Variants in PPP6C observed in about 807,000 individuals in gnomAD.
PPP6C encodes protein phosphatase 6 catalytic subunit.
In PPP6C, 11 loss-of-function variants were observed where a neutral mutation model predicts 39.8. The observed-to-expected ratio is 0.28, with a 90% CI of 0.17 to 0.46. The LOEUF (loss-of-function observed/expected upper bound fraction) is 0.46, where lower values mean the gene tolerates loss of function less well. PPP6C is among the 20% of genes least tolerant of loss of function. The pLI is 1.00. For missense variants in PPP6C, 211 were observed against 373.9 expected (o/e 0.56, Z 3.59); for synonymous variants, 129 against 130.3 (o/e 0.99, Z 0.07).
At chr9:125,155,629 C>T (rs1015743164) in intron 4 of PPP6C, among the ~76,000 whole-genome samples, 2 of 152,122 alleles carry the variant, frequency 1.3e-5, no homozygotes, top group Non-Finnish European at 2.9e-5. Flanking sequence ...TATGGCTGGA[C>T]GCAGTGCCTC....
At chr9:125,181,687 T>C (rs1829424815) in intron 1 of PPP6C, among the ~76,000 whole-genome samples, 1 of 152,256 alleles carries the variant, frequency 6.6e-6, no homozygotes, top group South Asian at 2.1e-4. Context: ...CACATTTTCT[T>C]TAACCAGTCT....
In PPP6C at chr9:125,148,074, G is replaced by C. The variant is rs1835851591; in HGVS notation, c.*1599C>G. 1 of 185,728 alleles carries C rather than the reference G, an allele frequency of 5.4e-6. No homozygotes were observed. 11.5% of individuals were successfully genotyped at this position (185,728 alleles called of 1,614,324 possible). ...TATGTAAGGAGCTGGGTGGTTTGAG[G>C]GAAAAAAATTAAATCAAAACAGTAT... On this transcript the variant is annotated 3_prime_UTR_variant, in exon 7 of 7. Transcript: ENST00000373547.
rs567377960 is a variant in PPP6C, at chr9:125,167,432, C to T, written c.171+3653G>A. On this transcript the variant is annotated intron_variant, in intron 2 of 6. Coordinates refer to ENST00000373547, the MANE Select transcript of PPP6C (RefSeq NM_002721.5). ...AAAAAAGGCCGGGCATGGTGACTCACGCCTGTAATCCCAGCACTTTGGGAG... is the reference window on the plus strand; with the variant it reads ...AAAAAAGGCCGGGCATGGTGACTCATGCCTGTAATCCCAGCACTTTGGGAG... 6.0e-5 allele frequency among the ~76,000 whole-genome samples: 9 copies of T among 149,398 alleles called. No individual in the cohort carries two copies. The South Asian group carries it at 6.4e-4, about 11-fold the overall frequency.
At chr9:125,158,080 G>C (rs990373344) in intron 4 of PPP6C, among the ~76,000 whole-genome samples, 161 bp downstream of exon 4, 2 of 152,146 alleles carry the variant, frequency 1.3e-5, no homozygotes, top group Admixed American at 1.3e-4. Context: ...GTTAACAGTG[G>C]TCTTCTCTCG....
chr9:125,154,536 G>A (rs576087309), intron 4 of PPP6C, among the ~76,000 whole-genome samples: 1 of 152,150 alleles, frequency 6.6e-6, no homozygotes, highest in Admixed American at 6.5e-5. Flanking sequence ...TCCTGGAATG[G>A]ACCTAAGAAG....
At chr9:125,151,749 A>G (rs1189777490) in intron 6 of PPP6C, among the ~76,000 whole-genome samples, 15 of 152,160 alleles carry the variant, frequency 9.9e-5, no homozygotes, top group Middle Eastern at 3.2e-3. Flanking sequence ...ATGAAGAAAG[A>G]AGGATTGAGA....
Position 125,189,783 on chromosome 9 carries a change from G to A in PPP6C, c.-65C>T, listed in dbSNP as rs550930202. Reference sequence around the variant, plus strand: ...CTGTAGCAGCGGCGGCGGCAGCGGCGGAGGCCGAAGCCGGAACTTTCCCTG... The same window carrying A: ...CTGTAGCAGCGGCGGCGGCAGCGGCAGAGGCCGAAGCCGGAACTTTCCCTG... On this transcript the variant is annotated 5_prime_UTR_variant, in exon 1 of 7. Transcript: ENST00000373547. 3.9e-6 allele frequency: 6 copies of A among 1,524,958 alleles called. No individual in the cohort carries two copies. Among genetic ancestry groups the A allele is most frequent in the South Asian group, 2.5e-5 (2 of 81,174 alleles). The allele number at this position is 1,524,958 out of a possible 1,614,324, so 94.5% of individuals were successfully genotyped here.
At chr9:125,182,866 G>A (rs1483213667) in intron 1 of PPP6C, among the ~76,000 whole-genome samples, 2 of 151,416 alleles carry the variant, frequency 1.3e-5, no homozygotes, top group Non-Finnish European at 2.9e-5. Context: ...AGTTGAGAAC[G>A]ACTGGTCTAG....
chr9:125,189,761 TAGCAGCGGCGGC>T lies in PPP6C; in HGVS notation c.-55_-44del, dbSNP rs1829629020. 6.5e-7 allele frequency: 1 copy of T among 1,545,316 alleles called. No homozygotes were observed. The highest frequency in any genetic ancestry group is 8.7e-7 in the Non-Finnish European group (1 of 1,147,156). ...GCGGCAACAGCGGCGGCGGCGGCTG[TAGCAGCGGCGGC>T]GGCAGCGGCGGAGGCCGAAGCCGGA... On this transcript the variant is annotated 5_prime_UTR_variant, in exon 1 of 7. Transcript: ENST00000373547.
chr9:125,154,350 A>G (rs1836019391), intron 4 of PPP6C, among the ~76,000 whole-genome samples: 1 of 152,244 alleles, frequency 6.6e-6, no homozygotes, highest in Non-Finnish European at 1.5e-5. Context: ...TGCAGCATGT[A>G]ACTGTACTAA....
chr9:125,169,472 G>C (rs548910994), intron 2 of PPP6C, among the ~76,000 whole-genome samples: 1 of 152,276 alleles, frequency 6.6e-6, no homozygotes, highest in South Asian at 2.1e-4. Context: ...GTCTACAACT[G>C]GGGGAAACAC....
At chr9:125,176,452 T>C (rs1829299628) in intron 1 of PPP6C, among the ~76,000 whole-genome samples, 1 of 152,104 alleles carries the variant, frequency 6.6e-6, no homozygotes, top group African/African-American at 2.4e-5. Context: ...GCTCAGGAGT[T>C]CGAGACCTGC....
At chr9:125,150,777 A>G in intron 6 of PPP6C, 2 of 724,492 alleles carry the variant, frequency 2.8e-6, no homozygotes, top group Admixed American at 1.8e-5. Context: ...CTGTGTGGAA[A>G]TTGGCAAAAG....
At chr9:125,173,404 C>CAAAA (rs1157793278) in intron 1 of PPP6C, among the ~76,000 whole-genome samples, 17 of 50,754 alleles carry the variant, frequency 3.3e-4, no homozygotes, top group African/African-American at 1.3e-3. Flanking sequence ...GACTCCCTCT[C>CAAAA]AAAAAAAAAA....
At chr9:125,155,250 T>G (rs768851057) in intron 4 of PPP6C, among the ~76,000 whole-genome samples, 1 of 151,824 alleles carries the variant, frequency 6.6e-6, no homozygotes, top group South Asian at 2.1e-4. Context: ...GTTAACACCA[T>G]GGAAGCTCTG....
chr9:125,173,471 G>A (rs1026716138), intron 1 of PPP6C, among the ~76,000 whole-genome samples: 21 of 150,082 alleles, frequency 1.4e-4, no homozygotes, highest in African/African-American at 3.4e-4. Flanking sequence ...CCAGCTACTC[G>A]GGAGGATGAG....
intron 4 of PPP6C, among the ~76,000 whole-genome samples, chr9:125,154,246 C>T (rs932949996): frequency 1.3e-5 from 2 of 152,208 alleles, no homozygotes; most frequent in Non-Finnish European, 2.9e-5. Flanking sequence ...GTTGTGTGAA[C>T]ATCATCGGAT....
rs919829488 is a variant in PPP6C, at chr9:125,151,081, G to T, written c.670-1160C>A. The T allele has an allele frequency of 3.0e-6, 4 of 1,323,574 alleles. No individual in the cohort carries two copies. The African/African-American group carries it at 4.3e-5, about 14-fold the overall frequency. The allele number at this position is 1,323,574 out of a possible 1,614,324, so 82.0% of individuals were successfully genotyped here. A position where few individuals can be genotyped will look rare whatever the true frequency, so the allele number is the denominator to read the frequency against. ...TGATAACCCAGTGGACTATCTGTATGCAGAGCCAGGTGTCCTGAAGTGGAT... is the reference window on the plus strand; with the variant it reads ...TGATAACCCAGTGGACTATCTGTATTCAGAGCCAGGTGTCCTGAAGTGGAT... On this transcript the variant is annotated intron_variant, in intron 6 of 6. Coordinates refer to ENST00000373547, the MANE Select transcript of PPP6C (RefSeq NM_002721.5).
At chr9:125,174,968 G>A (rs972745917) in intron 1 of PPP6C, among the ~76,000 whole-genome samples, 2 of 151,906 alleles carry the variant, frequency 1.3e-5, no homozygotes, top group African/African-American at 4.8e-5. Flanking sequence ...AGCACTTTGG[G>A]AGGCCGAGGC....
Sources: allele counts gnomAD v4.1 joint callset (sites outside exome capture counted in the v4.1 genomes callset), GRCh38; gene constraint gnomAD v4.1.1; transcripts MANE v1.5; gene names NCBI Gene and HGNC (gene_info 2026-07-23, HGNC 2026-07-21).